Variants in SEZ6 observed in about 807,000 individuals in gnomAD.
SEZ6 encodes the protein seizure related 6 homolog.
Under a neutral mutation model 101.0 loss-of-function variants are expected in SEZ6, and 53 were observed. The observed-to-expected ratio is 0.52, with a 90% CI of 0.42 to 0.66. The LOEUF is 0.66. SEZ6 is among the 30% of genes least tolerant of loss of function. The pLI is 0.00. For missense variants in SEZ6, 1,102 were observed against 1,289.4 expected (o/e 0.85, Z 2.23); for synonymous variants, 488 against 512.2 (o/e 0.95, Z 0.64).
rs115234414 is a variant in SEZ6 at position 28,960,331 on chromosome 17, C to G, written c.1576+174G>C. ...TTTCCTGCAAAGCTGTGGTAGGGAT[C>G]CCGGACCCAAAGAGAGGGGCAGGGA... is the stretch of plus-strand genomic sequence containing the variant. On this transcript the variant is annotated intron_variant, in intron 7 of 16. Coordinates refer to ENST00000317338, the MANE Select transcript of SEZ6 (RefSeq NM_178860.5). 661 of 832,910 alleles carry G rather than the reference C, an allele frequency of 7.9e-4. 4 individuals carry two copies. The African/African-American group carries it at 1.0e-2, about 13-fold the overall frequency. 51.6% of individuals were successfully genotyped at this position (832,910 alleles called of 1,614,324 possible). A position where few individuals can be genotyped will look rare whatever the true frequency, so the allele number is the denominator to read the frequency against.
At position 28,960,655 on chromosome 17, in the gene SEZ6, C is replaced by T; in HGVS notation, c.1426G>A (p.Gly476Arg). The change falls in exon 7 of 17, where the codon GGG becomes AGG. Residue 476 changes from glycine (G) to arginine (R), a missense_variant. Coordinates refer to ENST00000317338, the MANE Select transcript of SEZ6 (RefSeq NM_178860.5). ...EDDDRLIIRNGDNVEAPPVYD... is the reference protein window; with the variant it reads ...EDDDRLIIRNRDNVEAPPVYD... ...ACTGGTGGGGCCTCCACGTTGTCCCCATTGCGAATGATGAGCCTGAACCAG... is the reference window on the plus strand; with the variant it reads ...ACTGGTGGGGCCTCCACGTTGTCCCTATTGCGAATGATGAGCCTGAACCAG... 6.2e-7 allele frequency: 1 copy of T among 1,604,890 alleles called. No homozygotes were observed. The highest frequency in any genetic ancestry group is 8.5e-7 in the Non-Finnish European group (1 of 1,175,750).
At chr17:28,992,908 A>G (rs1426835471) in intron 1 of SEZ6, among the ~76,000 whole-genome samples, 2 of 152,054 alleles carry the variant, frequency 1.3e-5, no homozygotes, top group Non-Finnish European at 2.9e-5. Context: ...TGCACTCTAC[A>G]CCGTCCCCTG....
At chr17:29,000,112 T>G (rs753322714) in intron 1 of SEZ6, among the ~76,000 whole-genome samples, 3 of 152,236 alleles carry the variant, frequency 2.0e-5, no homozygotes, top group Non-Finnish European at 2.9e-5. Context: ...TACAAAGCAC[T>G]TCGTACAGCG....
In SEZ6 at chr17:28,960,581, G is replaced by A; in HGVS notation, c.1500C>T (p.Ser500=). 4 of 1,592,510 alleles carry A rather than the reference G, an allele frequency of 2.5e-6. No individual in the cohort carries two copies. Among genetic ancestry groups the A allele is most frequent in the Non-Finnish European group, 3.4e-6 (4 of 1,169,846 alleles). Residue 500 remains serine, a synonymous_variant, in exon 7 of 17, where the codon AGC becomes AGT. Coordinates refer to ENST00000317338, the MANE Select transcript of SEZ6 (RefSeq NM_178860.5). ...GCTCAACAAAGAAGTGTTTGCCAGA[G>A]CTGAGCAGGCCCTCAATGGGCAGGT... is the stretch of plus-strand genomic sequence containing the variant. The part of the protein sequence containing the change: ...VEYLPIEGLL[S]SGKHFFVELS...
At chr17:28,993,341 G>A (rs911978897) in intron 1 of SEZ6, among the ~76,000 whole-genome samples, 40 of 152,176 alleles carry the variant, frequency 2.6e-4, no homozygotes, top group African/African-American at 9.2e-4. Context: ...CAGAGAATGA[G>A]GAGCTACCCA....
At chr17:28,976,711 C>T (rs1010065435) in intron 3 of SEZ6, among the ~76,000 whole-genome samples, 5 of 152,240 alleles carry the variant, frequency 3.3e-5, no homozygotes, top group African/African-American at 4.8e-5. Flanking sequence ...GAGTGTGATC[C>T]GGAAGCCCTT....
chr17:28,998,362 TGA>T (rs960808522), intron 1 of SEZ6, among the ~76,000 whole-genome samples: 2 of 150,944 alleles, frequency 1.3e-5, no homozygotes, highest in Non-Finnish European at 3.0e-5. Context: ...ATGGAGAGAC[TGA>T]GAGAGATGCC....
chr17:28,969,161 C>T (rs2041112979), intron 4 of SEZ6, among the ~76,000 whole-genome samples: 1 of 152,172 alleles, frequency 6.6e-6, no homozygotes, highest in African/African-American at 2.4e-5. Context: ...TTGCCTGAGT[C>T]TGTGATTTTT....
At chr17:28,964,189 T>TGGGG in intron 4 of SEZ6, 42 bp from the exon 5 acceptor site, 1 of 1,007,796 alleles carries the variant, frequency 9.9e-7, no homozygotes, top group Non-Finnish European at 1.4e-6. Flanking sequence ...GTGTGCAGGG[T>TGGGG]GGGGGCGGGA....
intron 1 of SEZ6, among the ~76,000 whole-genome samples, chr17:29,003,187 A>T (rs1195115173): frequency 6.6e-6 from 1 of 152,162 alleles, no homozygotes; most frequent in Non-Finnish European, 1.5e-5. Context: ...AAATCATTAA[A>T]CTGACACAGC....
At chr17:28,980,261 G>T (rs2041281014) in intron 2 of SEZ6, among the ~76,000 whole-genome samples, 1 of 146,780 alleles carries the variant, frequency 6.8e-6, no homozygotes, top group Non-Finnish European at 1.5e-5. Flanking sequence ...AGGCTGAAGT[G>T]CAATGGCGTG....
intron 13 of SEZ6, 100 bp downstream of exon 13, chr17:28,956,945 A>T: frequency 1.4e-6 from 2 of 1,387,598 alleles, no homozygotes; most frequent in Non-Finnish European, 2.0e-6. Flanking sequence ...GGTAACATGA[A>T]GGTGGCATGG....
upstream of SEZ6, chr17:29,006,083 G>A: frequency 3.0e-6 from 1 of 336,854 alleles, no homozygotes; most frequent in Non-Finnish European, 5.2e-6. Flanking sequence ...GGCTGGGGGC[G>A]GGGGCGCGGG....
chr17:29,005,942 G>T lies in SEZ6; in HGVS notation c.-73C>A. 1.5e-6 allele frequency: 2 copies of T among 1,295,240 alleles called. No homozygotes were observed. Among genetic ancestry groups the T allele is most frequent in the South Asian group, 1.8e-5 (1 of 54,898 alleles). 80.2% of individuals were successfully genotyped at this position (1,295,240 alleles called of 1,614,324 possible). On this transcript the variant is annotated 5_prime_UTR_variant, in exon 1 of 17. Coordinates refer to ENST00000317338, the MANE Select transcript of SEZ6 (RefSeq NM_178860.5). The surrounding 1 kb of genome is among the most constrained non-coding windows in gnomAD (Gnocchi z 4.8). ...GGGGGGCTTGGTGGGGCTTGGGCGC[G>T]GGGGCAGAGCCGGGTCCGGCCGGGT...
At chr17:28,982,477 T>C (rs1401344536) in intron 1 of SEZ6, among the ~76,000 whole-genome samples, 3 of 152,102 alleles carry the variant, frequency 2.0e-5, no homozygotes, top group African/African-American at 7.2e-5. Context: ...ACGCGACCAG[T>C]TGAATTGAGA....
intron 3 of SEZ6, among the ~76,000 whole-genome samples, chr17:28,975,904 A>G (rs996601842): frequency 1.3e-5 from 2 of 152,228 alleles, no homozygotes; most frequent in African/African-American, 4.8e-5. Flanking sequence ...GGCTCTTGGA[A>G]TGCCAAGTGC....
intron 1 of SEZ6, among the ~76,000 whole-genome samples, chr17:28,995,775 G>A (rs2041528943): frequency 6.6e-6 from 1 of 152,198 alleles, no homozygotes; most frequent in Non-Finnish European, 1.5e-5. Flanking sequence ...GTGGGACCCA[G>A]GGTGAAGGCT....
intron 1 of SEZ6, among the ~76,000 whole-genome samples, chr17:28,987,014 C>T (rs1301350593): frequency 6.6e-6 from 1 of 152,186 alleles, no homozygotes; most frequent in Non-Finnish European, 1.5e-5. Flanking sequence ...TGATCCCCGC[C>T]TCATGGCAGC....
chr17:28,998,904 T>C (rs1012748715), intron 1 of SEZ6, among the ~76,000 whole-genome samples: 1 of 152,178 alleles, frequency 6.6e-6, no homozygotes, highest in Non-Finnish European at 1.5e-5. Context: ...CCAGAGTAGC[T>C]GGATCATATA....
Sources: gnomAD v4.1 joint callset for allele counts (sites outside exome capture counted in the v4.1 genomes callset) on GRCh38, gnomAD v4.1.1 for gene constraint, Gnocchi (gnomAD v3.1) non-coding constraint, MANE v1.5 for transcripts, NCBI Gene and HGNC (gene_info 2026-07-23, HGNC 2026-07-21) for gene names.